KLF8: variants seen among roughly 807,000 people sequenced by gnomAD.
The protein encoded by KLF8 is Krueppel-like factor 8.
A neutral mutation model predicts 18.2 loss-of-function variants in KLF8; 10 were observed. The ratio of observed to expected loss-of-function variants is 0.55; its 90% CI spans 0.34 to 0.93. The LOEUF (loss-of-function observed/expected upper bound fraction) is 0.93. Among genes scored for constraint, KLF8 ranks in the 40% least tolerant of loss-of-function variants. KLF8 has a pLI of 0.02. For synonymous variants in KLF8, 109 were observed against 97.3 expected, an observed-to-expected ratio of 1.12 and a Z score of -0.71; for missense variants, 264 against 277.9, an observed-to-expected ratio of 0.95 and a Z score of 0.36.
chrX:56,185,985 G>C, the KLF8 span, among the ~76,000 whole-genome samples: 1 of 112,053 alleles, frequency 8.9e-6, no homozygotes, highest in South Asian at 3.7e-4. Flanking sequence ...AAAAAAACCA[G>C]CTAACATCAT....
At chrX:55,958,887 A>G in the KLF8 span, among the ~76,000 whole-genome samples, 3 of 112,262 alleles carry the variant, frequency 2.7e-5, no homozygotes, top group African/African-American at 3.2e-5. Flanking sequence ...GCAGTCACAC[A>G]CATGTGCTCA....
chrX:56,068,001 G>T, the KLF8 span, among the ~76,000 whole-genome samples: 26 of 112,000 alleles, frequency 2.3e-4, 1 homozygote, highest in Admixed American at 2.4e-3. Flanking sequence ...CACCCACCTT[G>T]CCAATGGTAG....
the KLF8 span, among the ~76,000 whole-genome samples, chrX:56,043,107 G>T: frequency 3.6e-5 from 4 of 111,479 alleles, no homozygotes; most frequent in Admixed American, 9.5e-5. Flanking sequence ...ATTCTGTTTT[G>T]GAAATCCTTT....
the KLF8 span, among the ~76,000 whole-genome samples, chrX:56,049,574 G>T: frequency 9.6e-6 from 1 of 104,447 alleles, no homozygotes; most frequent in African/African-American, 3.5e-5. Flanking sequence ...TACATTTATT[G>T]ATTTGCGTAT....
chrX:56,189,047 G>T, the KLF8 span, among the ~76,000 whole-genome samples: 6 of 111,620 alleles, frequency 5.4e-5, no homozygotes, highest in Non-Finnish European at 9.4e-5. Flanking sequence ...AAGAGCTTCT[G>T]CACAGCAAAA....
the KLF8 span, among the ~76,000 whole-genome samples, chrX:56,056,708 G>C: frequency 3.1e-5 from 3 of 97,420 alleles, no homozygotes; most frequent in East Asian, 3.4e-4. Context: ...TAGATGACGA[G>C]TTAGTGGGTG....
chrX:56,156,661 G>T, the KLF8 span, among the ~76,000 whole-genome samples: 2 of 108,321 alleles, frequency 1.8e-5, no homozygotes, highest in Admixed American at 2.0e-4. Flanking sequence ...CCATGTTGGT[G>T]TGCTGCACCC....
the KLF8 span, among the ~76,000 whole-genome samples, chrX:56,126,435 A>T: frequency 8.9e-6 from 1 of 111,941 alleles, no homozygotes; most frequent in Non-Finnish European, 1.9e-5. Flanking sequence ...TGCCCCTAAC[A>T]ATTTATTCTA....
At chrX:55,944,640 G>A in the KLF8 span, among the ~76,000 whole-genome samples, 2 of 111,615 alleles carry the variant, frequency 1.8e-5, no homozygotes, top group African/African-American at 3.3e-5. Flanking sequence ...TATATTCCCT[G>A]ATGGTAGTTT....
At chrX:56,058,012 C>T in the KLF8 span, among the ~76,000 whole-genome samples, 2 of 104,013 alleles carry the variant, frequency 1.9e-5, no homozygotes, top group Admixed American at 1.1e-4. Flanking sequence ...GAGTTACTGG[C>T]GGCCAGGAAC....
chrX:56,104,945 T>G, the KLF8 span, among the ~76,000 whole-genome samples: 1 of 112,021 alleles, frequency 8.9e-6, no homozygotes, highest in Non-Finnish European at 1.9e-5. Flanking sequence ...AAATAACATC[T>G]TTATGTCTGC....
chrX:56,033,332 G>T, the KLF8 span, among the ~76,000 whole-genome samples: 1 of 111,247 alleles, frequency 9.0e-6, no homozygotes, highest in Non-Finnish European at 1.9e-5. Flanking sequence ...TTTTATCCAC[G>T]GTGTCGCAAA....
the KLF8 span, among the ~76,000 whole-genome samples, chrX:56,112,931 A>G: frequency 2.7e-5 from 3 of 111,228 alleles, no homozygotes; most frequent in Non-Finnish European, 3.8e-5. Flanking sequence ...CAGTTGATGC[A>G]GCTGGACATG....
At position 56,249,642 on chromosome X, in the gene KLF8, A is replaced by G. The variant is rs1345250090; in HGVS notation, c.8-589A>G. On this transcript the variant is annotated intron_variant, in intron 1 of 5. Coordinates refer to ENST00000468660, the MANE Select transcript of KLF8 (RefSeq NM_007250.5). ...TATGGGATGTGAGTGCTGCACATCTAACTCCCAGAAAATCTGGTTGAGGAA... is the reference window on the plus strand; with the variant it reads ...TATGGGATGTGAGTGCTGCACATCTGACTCCCAGAAAATCTGGTTGAGGAA... 3.6e-5 allele frequency among the ~76,000 whole-genome samples: 4 copies of G among 111,987 alleles called. No individual in the cohort carries two copies. The Admixed American group carries it at 3.8e-4, about 11-fold the overall frequency.
At chrX:55,944,316 G>T in the KLF8 span, among the ~76,000 whole-genome samples, 1 of 110,374 alleles carries the variant, frequency 9.1e-6, no homozygotes, top group Non-Finnish European at 1.9e-5. Context: ...TCTCTGTCAG[G>T]CTTTGGTATC....
chrX:56,175,082 T>TA, the KLF8 span, among the ~76,000 whole-genome samples: 1 of 111,406 alleles, frequency 9.0e-6, no homozygotes, highest in African/African-American at 3.3e-5. Flanking sequence ...AGGGTTTTTT[T>TA]TGTCTCTATT....
the KLF8 span, among the ~76,000 whole-genome samples, chrX:55,997,930 C>A: frequency 1.8e-5 from 2 of 110,394 alleles, no homozygotes; most frequent in African/African-American, 6.6e-5. Context: ...GCCTCTGAGT[C>A]CCCTTAGTAT....
At position 56,284,611 on chromosome X, in the gene KLF8, G is replaced by A; in HGVS notation, c.*117G>A. The A allele has an allele frequency of 1.9e-6, 1 of 533,078 alleles. No individual in the cohort carries two copies. The highest frequency in any genetic ancestry group is 2.8e-6 in the Non-Finnish European group (1 of 355,871). The allele number at this position is 533,078 out of a possible 1,213,427, so 43.9% of individuals were successfully genotyped here. A position where few individuals can be genotyped will look rare whatever the true frequency, so the allele number is the denominator to read the frequency against. ...GCATATGGGGTTGAAGCAGCCCACT[G>A]AGCCAAGTTGAGGAGACTGGAGGAA... On this transcript the variant is annotated 3_prime_UTR_variant, in exon 6 of 6. Transcript: ENST00000468660.
the KLF8 span, among the ~76,000 whole-genome samples, chrX:55,978,067 A>C: frequency 0.04 from 4,386 of 109,983 alleles, 109 homozygotes; most frequent in Admixed American, 0.1. Flanking sequence ...CTCTCTCTCT[A>C]TATATATATA....
Sources: allele counts gnomAD v4.1 joint callset (sites outside exome capture counted in the v4.1 genomes callset), GRCh38; gene constraint gnomAD v4.1.1; transcripts MANE v1.5; gene names NCBI Gene and HGNC (gene_info 2026-07-23, HGNC 2026-07-21).